Variants in TENM3 observed in about 807,000 individuals in gnomAD.
TENM3 encodes teneurin transmembrane protein 3.
Under a neutral mutation model 255.1 loss-of-function variants are expected in TENM3, and 63 were observed. The observed-to-expected ratio is 0.25, with a 90% CI of 0.20 to 0.30. The LOEUF is 0.30. Ranked by LOEUF, TENM3 falls within the 10% of genes least tolerant of loss-of-function variation. The pLI, the probability that TENM3 is intolerant of heterozygous loss-of-function variation, is 1.00. For missense variants in TENM3, 2,929 were observed against 3,461.1 expected (o/e 0.85, Z 3.86); for synonymous variants, 1,306 against 1,322.3 (o/e 0.99, Z 0.27).
chr4:181,620,383 G>A, the TENM3 span, among the ~76,000 whole-genome samples: 2 of 152,172 alleles, frequency 1.3e-5, no homozygotes, highest in East Asian at 3.8e-4. Flanking sequence ...CCAGTCCACA[G>A]TTGGCCATGT....
chr4:182,522,780 A>G (rs780389700), intron 3 of TENM3, among the ~76,000 whole-genome samples: 53 of 152,154 alleles, frequency 3.5e-4, no homozygotes, highest in Non-Finnish European at 2.6e-4. Context: ...GGGAGTACAG[A>G]TATGTCTGAC....
chr4:182,786,486 G>C (rs558547894), intron 24 of TENM3, among the ~76,000 whole-genome samples: 19 of 151,598 alleles, frequency 1.3e-4, no homozygotes, highest in African/African-American at 4.6e-4. Flanking sequence ...TGAACCTGGA[G>C]GAGGAGGTTG....
At chr4:181,929,401 A>T in the TENM3 span, among the ~76,000 whole-genome samples, 2 of 152,164 alleles carry the variant, frequency 1.3e-5, no homozygotes, top group African/African-American at 4.8e-5. Context: ...GGTAAAACAG[A>T]CTTTAAACCA....
the TENM3 span, among the ~76,000 whole-genome samples, chr4:181,812,328 G>A: frequency 5.9e-5 from 9 of 152,146 alleles, no homozygotes; most frequent in African/African-American, 2.2e-4. Context: ...TTGTTCTAAG[G>A]ATGAGAAAAC....
At chr4:182,550,510 C>T (rs1386043819) in intron 3 of TENM3, among the ~76,000 whole-genome samples, 1 of 152,158 alleles carries the variant, frequency 6.6e-6, no homozygotes. Context: ...ATGTTAATTT[C>T]AACATCTGGT....
intron 3 of TENM3, among the ~76,000 whole-genome samples, chr4:182,464,714 A>G (rs998710601): frequency 2.6e-5 from 4 of 152,228 alleles, no homozygotes; most frequent in African/African-American, 4.8e-5. Flanking sequence ...TTTTCATGCT[A>G]TGGAAAGAGA....
chr4:182,671,690 G>A (rs1036561410), intron 6 of TENM3, among the ~76,000 whole-genome samples: 4 of 152,054 alleles, frequency 2.6e-5, no homozygotes, highest in Admixed American at 2.6e-4. Context: ...CAGTGCTGCC[G>A]CTAGCAGACA....
At chr4:181,491,104 A>T in the TENM3 span, among the ~76,000 whole-genome samples, 1 of 152,104 alleles carries the variant, frequency 6.6e-6, no homozygotes, top group African/African-American at 2.4e-5. Flanking sequence ...CCTAAAAAAA[A>T]TCTATGGTCT....
the TENM3 span, among the ~76,000 whole-genome samples, chr4:181,721,039 G>C: frequency 6.6e-6 from 1 of 151,942 alleles, no homozygotes; most frequent in Admixed American, 6.6e-5. Flanking sequence ...CAGAGTCAGG[G>C]ACAGCGTCTC....
At chr4:182,697,644 T>C (rs985598718) in intron 12 of TENM3, among the ~76,000 whole-genome samples, 4 of 152,132 alleles carry the variant, frequency 2.6e-5, no homozygotes, top group African/African-American at 9.7e-5. Context: ...TCGGTGTCTG[T>C]TTCTTCCATT....
At chr4:182,700,748 A>G (rs1469644230) in intron 12 of TENM3, among the ~76,000 whole-genome samples, 1 of 152,188 alleles carries the variant, frequency 6.6e-6, no homozygotes, top group Non-Finnish European at 1.5e-5. Flanking sequence ...ATTAGTAAAT[A>G]ATTATGTTGG....
chr4:182,389,843 T>G (rs1985819), intron 3 of TENM3, among the ~76,000 whole-genome samples: 43,269 of 151,618 alleles, frequency 0.29, 8,599 homozygotes, highest in African/African-American at 0.54. Context: ...CCGCCACCAC[T>G]CCCGGCTAAT....
chr4:182,244,123 T>C (rs1757489466), intron 1 of TENM3, among the ~76,000 whole-genome samples: 1 of 151,530 alleles, frequency 6.6e-6, no homozygotes, highest in Admixed American at 6.6e-5. Flanking sequence ...CCGGCTAATT[T>C]TTTGTATTTT....
the TENM3 span, among the ~76,000 whole-genome samples, chr4:181,565,021 C>T: frequency 1.3e-5 from 2 of 152,188 alleles, no homozygotes; most frequent in Non-Finnish European, 1.5e-5. Context: ...CCAGATATTA[C>T]CGCAATTGTA....
chr4:181,539,338 G>A, the TENM3 span, among the ~76,000 whole-genome samples: 1 of 152,072 alleles, frequency 6.6e-6, no homozygotes, highest in South Asian at 2.1e-4. Flanking sequence ...ACTTGATATG[G>A]TTAAAATATG....
At chr4:181,884,570 C>T in the TENM3 span, among the ~76,000 whole-genome samples, 1 of 152,114 alleles carries the variant, frequency 6.6e-6, no homozygotes, top group South Asian at 2.1e-4. Context: ...TGTCCTTTTG[C>T]ATCTGGATTA....
At chr4:182,780,119 A>G (rs1765046955) in intron 24 of TENM3, among the ~76,000 whole-genome samples, 1 of 152,094 alleles carries the variant, frequency 6.6e-6, no homozygotes, top group South Asian at 2.1e-4. Flanking sequence ...TTTAGACATG[A>G]AGTCCTTGCG....
chr4:182,757,330 A>G (rs1303889118), intron 22 of TENM3, among the ~76,000 whole-genome samples: 1 of 151,512 alleles, frequency 6.6e-6, no homozygotes, highest in East Asian at 1.9e-4. Flanking sequence ...AAAAAAAAAA[A>G]AAAAAAAGAT....
chr4:181,893,646 C>T, the TENM3 span, among the ~76,000 whole-genome samples: 3 of 152,008 alleles, frequency 2.0e-5, no homozygotes, highest in Non-Finnish European at 4.4e-5. Context: ...TATGAAACTA[C>T]TAATCCCAAA....
Sources: allele counts gnomAD v4.1 joint callset (sites outside exome capture counted in the v4.1 genomes callset), GRCh38; gene constraint gnomAD v4.1.1; transcripts MANE v1.5; gene names NCBI Gene and HGNC (gene_info 2026-07-23, HGNC 2026-07-21).